CCNB3: variants seen among roughly 807,000 people sequenced by gnomAD.
The protein encoded by CCNB3 is G2/mitotic-specific cyclin-B3.
Under a neutral mutation model 68.0 loss-of-function variants are expected in CCNB3, and 12 were observed. The ratio of observed to expected loss-of-function variants is 0.18; its 90% confidence interval spans 0.11 to 0.29. CCNB3 has a LOEUF of 0.29. Among genes scored for constraint, CCNB3 ranks in the 10% least tolerant of loss-of-function variants. CCNB3 has a pLI of 1.00. For synonymous variants in CCNB3, 354 were observed against 388.9 expected (o/e 0.91, Z 1.06); for missense variants, 904 against 993.1 (o/e 0.91, Z 1.21).
At chrX:50,299,048 G>A (rs782405351) in intron 5 of CCNB3, among the ~76,000 whole-genome samples, 20 of 110,781 alleles carry the variant, frequency 1.8e-4, no homozygotes, top group South Asian at 7.7e-4. Flanking sequence ...TCTTGCTAGC[G>A]GTCTATCAAT....
chrX:50,293,052 C>CTTATAATGT (rs1557210326), intron 4 of CCNB3, among the ~76,000 whole-genome samples: 1 of 112,043 alleles, frequency 8.9e-6, no homozygotes, highest in Non-Finnish European at 1.9e-5. Context: ...TGTACTTATA[C>CTTATAATGT]ATACGTCTGT....
chrX:50,300,329 G>T (rs1285769026), intron 5 of CCNB3, among the ~76,000 whole-genome samples: 1 of 111,171 alleles, frequency 9.0e-6, no homozygotes, highest in Non-Finnish European at 1.9e-5. Context: ...GGCAGGCCTG[G>T]TGGTGACAAA....
At chrX:50,350,695 AT>A (rs1557221006) in intron 11 of CCNB3, among the ~76,000 whole-genome samples, 1 of 105,922 alleles carries the variant, frequency 9.4e-6, no homozygotes, top group African/African-American at 3.7e-5. Flanking sequence ...CAGGGCTAAT[AT>A]CTTTTTTTTT....
At chrX:50,300,547 C>T (rs1936605777) in intron 5 of CCNB3, among the ~76,000 whole-genome samples, 1 of 111,715 alleles carries the variant, frequency 9.0e-6, no homozygotes, top group South Asian at 3.8e-4. Flanking sequence ...CCCGACCTTT[C>T]TCTCTGGCTG....
chrX:50,210,665 G>A (rs1013126049), intron 1 of CCNB3, among the ~76,000 whole-genome samples: 1 of 111,103 alleles, frequency 9.0e-6, no homozygotes, highest in Non-Finnish European at 1.9e-5. Context: ...GCAGATATGG[G>A]GTACTGGTCA....
chrX:50,226,743 T>C (rs1313892548), intron 1 of CCNB3, among the ~76,000 whole-genome samples: 8 of 79,884 alleles, frequency 1.0e-4, no homozygotes, highest in African/African-American at 2.0e-4. Flanking sequence ...AATATGTACA[T>C]AGAATATACA....
intron 11 of CCNB3, among the ~76,000 whole-genome samples, chrX:50,350,876 T>A (rs1382372484): frequency 9.1e-6 from 1 of 109,828 alleles, no homozygotes; most frequent in Non-Finnish European, 1.9e-5. Flanking sequence ...AAAATTTTTT[T>A]AAAAGAGATA....
chrX:50,215,977 C>G (rs1365595102), intron 1 of CCNB3, among the ~76,000 whole-genome samples: 2 of 72,369 alleles, frequency 2.8e-5, no homozygotes, highest in African/African-American at 1.2e-4. Flanking sequence ...GAGACAGAGT[C>G]TCCCTCTGTC....
intron 1 of CCNB3, among the ~76,000 whole-genome samples, chrX:50,227,974 G>T (rs1325727905): frequency 0.18 from 14,936 of 83,128 alleles, 1,433 homozygotes; most frequent in Non-Finnish European, 0.25. Flanking sequence ...TAAATATATA[G>T]AGAGAATATA....
chrX:50,349,738 A>G (rs782108034), intron 11 of CCNB3, among the ~76,000 whole-genome samples: 1 of 111,915 alleles, frequency 8.9e-6, no homozygotes, highest in Admixed American at 9.4e-5. Context: ...TTCCTGCAGA[A>G]TTCTCTCAGG....
chrX:50,227,328 A>G (rs1436621360), intron 1 of CCNB3, among the ~76,000 whole-genome samples: 2 of 84,669 alleles, frequency 2.4e-5, no homozygotes, highest in African/African-American at 8.8e-5. Flanking sequence ...GAATATATAT[A>G]AATATACACA....
chrX:50,331,094 C>A (rs1922573791), intron 8 of CCNB3, among the ~76,000 whole-genome samples: 1 of 112,007 alleles, frequency 8.9e-6, no homozygotes, highest in Non-Finnish European at 1.9e-5. Context: ...CGGGACCATT[C>A]ATCATCTTTC....
chrX:50,341,029 TA>T (rs1923098405), intron 8 of CCNB3, among the ~76,000 whole-genome samples: 1 of 111,745 alleles, frequency 8.9e-6, no homozygotes, highest in South Asian at 3.7e-4. Flanking sequence ...AAATTTTATT[TA>T]AAAAGTAGAC....
At chrX:50,316,125 T>C (rs189362473) in intron 8 of CCNB3, among the ~76,000 whole-genome samples, 1 of 111,106 alleles carries the variant, frequency 9.0e-6, no homozygotes, top group East Asian at 2.8e-4. Flanking sequence ...GTTCTTGTCA[T>C]AGTGGATATG....
upstream of CCNB3, chrX:50,204,677 A>G (rs1935321313): frequency 9.6e-6 from 1 of 104,512 alleles, no homozygotes; most frequent in Admixed American, 1.0e-4. Context: ...AAAAAAAAAA[A>G]GCGCTGATTC....
At chrX:50,214,501 TATATATA>T (rs1935534170) in intron 1 of CCNB3, among the ~76,000 whole-genome samples, 1 of 72,093 alleles carries the variant, frequency 1.4e-5, no homozygotes, top group African/African-American at 4.4e-5. Context: ...TATATATATA[TATATATA>T]TTTTAGCTGT....
chrX:50,281,306 C>T (rs1022392732), intron 1 of CCNB3, among the ~76,000 whole-genome samples: 4 of 111,272 alleles, frequency 3.6e-5, no homozygotes, highest in Non-Finnish European at 7.5e-5. Flanking sequence ...CCCAACTGGG[C>T]TGGTGGAGGG....
intron 1 of CCNB3, among the ~76,000 whole-genome samples, chrX:50,225,267 G>T (rs1170403053): frequency 2.7e-5 from 3 of 110,893 alleles, no homozygotes; most frequent in Non-Finnish European, 5.7e-5. Flanking sequence ...GTTCCAGGCT[G>T]CGGGAACATC....
At position 50,320,737 on chromosome X, in the gene CCNB3, C is replaced by T. The variant is rs369445668; in HGVS notation, c.3516+6789C>T. Among the ~76,000 whole-genome samples the T allele has an allele frequency of 7.9e-4, 87 of 110,585 alleles. 2 individuals carry two copies. The South Asian group carries it at 0.032, about 41-fold the overall frequency. On this transcript the variant is annotated intron_variant, in intron 8 of 12. Coordinates refer to ENST00000376042, the MANE Select transcript of CCNB3 (RefSeq NM_033031.3). Reference sequence around the variant, plus strand: ...GAGAGAGGAGTACTGAAGTCTTCAACTATAATTGTGGATTTGTCTATTTCT... The same window carrying T: ...GAGAGAGGAGTACTGAAGTCTTCAATTATAATTGTGGATTTGTCTATTTCT...
Sources: gnomAD v4.1 joint callset for allele counts (sites outside exome capture counted in the v4.1 genomes callset) on GRCh38, gnomAD v4.1.1 for gene constraint, MANE v1.5 for transcripts, NCBI Gene and HGNC (gene_info 2026-07-23, HGNC 2026-07-21) for gene names.